MIPOL1: variants seen among roughly 807,000 people sequenced by gnomAD.
The protein encoded by MIPOL1 is mirror-image polydactyly 1.
MIPOL1 carries 57 observed loss-of-function variants against 60.9 expected under a neutral mutation model. The observed-to-expected ratio is 0.94, with a 90% confidence interval of 0.76 to 1.17. The LOEUF (loss-of-function observed/expected upper bound fraction) is 1.17. MIPOL1 is among the 50% of genes most tolerant of loss of function. MIPOL1 has a pLI of 0.00. For missense variants in MIPOL1, 551 were observed against 511.6 expected (o/e 1.08, Z -0.74); for synonymous variants, 179 against 168.8 (o/e 1.06, Z -0.47).
intron 1 of MIPOL1, among the ~76,000 whole-genome samples, chr14:37,221,351 ATGT>A (rs759311032): frequency 5.8e-4 from 89 of 152,188 alleles, no homozygotes; most frequent in Non-Finnish European, 1.2e-3. Context: ...TCTTGTGATA[ATGT>A]TATTAATCCA....
rs577977011 is a variant in MIPOL1, at chr14:37,351,216, T to C, written c.829-18301T>C. 1.7e-3 allele frequency among the ~76,000 whole-genome samples: 256 copies of C among 147,114 alleles called. 1 individual carries two copies. The highest frequency in any genetic ancestry group is 2.8e-3 in the Admixed American group (41 of 14,594). On this transcript the variant is annotated intron_variant, in intron 9 of 12. Transcript: ENST00000684589. ...GAATGATGATTTCCAATTTCATCCA[T>C]GTCCCTACCAAGGACATGAACTCAT...
chr14:37,388,793 C>T (rs1360669111), intron 10 of MIPOL1, among the ~76,000 whole-genome samples: 2 of 151,970 alleles, frequency 1.3e-5, no homozygotes, highest in Non-Finnish European at 2.9e-5. Context: ...TTTTGAGATT[C>T]ATCCATGTCG....
intron 10 of MIPOL1, among the ~76,000 whole-genome samples, chr14:37,411,055 G>A (rs762300145): frequency 6.6e-6 from 1 of 152,044 alleles, no homozygotes; most frequent in African/African-American, 2.4e-5. Context: ...AAAATATGCT[G>A]TTTACAGGAG....
intron 9 of MIPOL1, among the ~76,000 whole-genome samples, chr14:37,340,527 T>C (rs1282646247): frequency 6.6e-6 from 1 of 151,938 alleles, no homozygotes; most frequent in East Asian, 1.9e-4. Context: ...CTGGGCAACA[T>C]AGTGAGACCC....
At chr14:37,257,512 T>C (rs1403330663) in intron 3 of MIPOL1, among the ~76,000 whole-genome samples, 1 of 152,138 alleles carries the variant, frequency 6.6e-6, no homozygotes, top group Non-Finnish European at 1.5e-5. Flanking sequence ...AATTTATAAT[T>C]TTACTGTTTA....
chr14:37,229,345 C>A (rs1970265093), intron 1 of MIPOL1, among the ~76,000 whole-genome samples: 1 of 152,078 alleles, frequency 6.6e-6, no homozygotes, highest in Non-Finnish European at 1.5e-5. Context: ...GAGATTTTGC[C>A]ATATTGCTTA....
At chr14:37,248,853 C>G (rs1973618675) in intron 3 of MIPOL1, among the ~76,000 whole-genome samples, 1 of 151,982 alleles carries the variant, frequency 6.6e-6, no homozygotes, top group African/African-American at 2.4e-5. Context: ...AGAAGAGACT[C>G]ACAGGTATGC....
At chr14:37,302,814 A>C (rs1368742665) in intron 7 of MIPOL1, among the ~76,000 whole-genome samples, 1 of 151,830 alleles carries the variant, frequency 6.6e-6, no homozygotes, top group African/African-American at 2.4e-5. Flanking sequence ...CCCTTTGTCA[A>C]TATCACATAA....
intron 10 of MIPOL1, among the ~76,000 whole-genome samples, chr14:37,414,215 A>G (rs2093725961): frequency 1.3e-5 from 2 of 152,200 alleles, no homozygotes; most frequent in South Asian, 4.1e-4. Flanking sequence ...AGTTTAGTGA[A>G]TGACATATTT....
rs1594720955 is a variant in MIPOL1 at position 37,247,655 on chromosome 14, T to C, written c.-60-174T>C. 55 of 470,966 alleles carry C rather than the reference T, an allele frequency of 1.2e-4. No individual in the cohort carries two copies. In the East Asian group the frequency reaches 1.9e-3, roughly 17 times the overall value. 29.2% of individuals were successfully genotyped at this position (470,966 alleles called of 1,614,324 possible). A position where few individuals can be genotyped will look rare whatever the true frequency, so the allele number is the denominator to read the frequency against. ...AAATACAAGTGTGAAGAAAAGAACCTTTTTCTGAGAAAAAGATTTAATTTC... is the reference window on the plus strand; with the variant it reads ...AAATACAAGTGTGAAGAAAAGAACCCTTTTCTGAGAAAAAGATTTAATTTC... On this transcript the variant is annotated intron_variant, in intron 2 of 12. Transcript: ENST00000684589.
chr14:37,458,081 AAGAT>A (rs1213467441), intron 11 of MIPOL1, among the ~76,000 whole-genome samples: 2 of 152,212 alleles, frequency 1.3e-5, no homozygotes, highest in Admixed American at 1.3e-4. Context: ...GTAAAAAAAA[AAGAT>A]AAAGTCATTA....
At chr14:37,238,994 GAA>G (rs1197110594) in intron 1 of MIPOL1, among the ~76,000 whole-genome samples, 3 of 150,184 alleles carry the variant, frequency 2.0e-5, no homozygotes, top group African/African-American at 7.3e-5. Context: ...AATGAAAAAT[GAA>G]AAGTCATCAG....
chr14:37,386,805 C>CAAT (rs1332789638), intron 10 of MIPOL1, among the ~76,000 whole-genome samples: 2 of 151,836 alleles, frequency 1.3e-5, no homozygotes, highest in Non-Finnish European at 2.9e-5. Context: ...AGGCATAAAG[C>CAAT]AATAATTGAT....
chr14:37,409,800 A>G (rs2093651614), intron 10 of MIPOL1, among the ~76,000 whole-genome samples: 1 of 152,198 alleles, frequency 6.6e-6, no homozygotes, highest in Admixed American at 6.5e-5. Context: ...AATAATTATT[A>G]TAATTCATAC....
At position 37,457,942 on chromosome 14, in the gene MIPOL1, A is replaced by G. The variant is rs112851090; in HGVS notation, c.1031+34993A>G. Among the ~76,000 whole-genome samples, 469 of 152,264 alleles carry G rather than the reference A, an allele frequency of 3.1e-3. 4 individuals carry two copies. Among genetic ancestry groups the G allele is most frequent in the Middle Eastern group, 0.031 (9 of 294 alleles). On this transcript the variant is annotated intron_variant, in intron 11 of 12. Transcript: ENST00000684589. ...CACTTAAACATGGGTTGAAAACCCC[A>G]TGTTTTTCATGGGTAGACACTCATA...
intron 9 of MIPOL1, among the ~76,000 whole-genome samples, chr14:37,312,384 T>C (rs1483498215): frequency 6.6e-6 from 1 of 152,192 alleles, no homozygotes; most frequent in Non-Finnish European, 1.5e-5. Flanking sequence ...GTGCTGGGAT[T>C]ACAGTTGTGA....
chr14:37,550,495 C>CATATATATATATATATATATATATATAT lies in MIPOL1; in HGVS notation c.*3543_*3544insTATATATATATATATATATATATATATA, dbSNP rs3062723. The stretch of plus-strand genomic sequence containing the variant: ...AGCTAACCTATCTATTCATATTTTA[C>CATATATATATATATATATATATATATAT]ATATATATATATATATATACATGCA... On this transcript the variant is annotated 3_prime_UTR_variant, in exon 13 of 13. Transcript: ENST00000684589. The CATATATATATATATATATATATATATAT allele has an allele frequency of 1.4e-4, 20 of 145,792 alleles. No individual in the cohort carries two copies. Among genetic ancestry groups the CATATATATATATATATATATATATATAT allele is most frequent in the African/African-American group, 5.0e-4 (20 of 39,746 alleles). The allele number at this position is 145,792 out of a possible 1,614,324, so 9.0% of individuals were successfully genotyped here.
At chr14:37,414,398 C>T (rs916277923) in intron 10 of MIPOL1, among the ~76,000 whole-genome samples, 2 of 152,100 alleles carry the variant, frequency 1.3e-5, no homozygotes, top group African/African-American at 4.8e-5. Context: ...GAAGTGACAG[C>T]ATATTGGAAT....
chr14:37,467,023 T>A (rs2094606650), intron 11 of MIPOL1, among the ~76,000 whole-genome samples: 1 of 152,236 alleles, frequency 6.6e-6, no homozygotes, highest in African/African-American at 2.4e-5. Context: ...ATGACATTCA[T>A]CCTTATCATT....
Sources: allele counts gnomAD v4.1 joint callset (sites outside exome capture counted in the v4.1 genomes callset), GRCh38; gene constraint gnomAD v4.1.1; transcripts MANE v1.5; gene names NCBI Gene and HGNC (gene_info 2026-07-23, HGNC 2026-07-21).